Variants in ZFPM2 observed in about 807,000 individuals in gnomAD.
The protein encoded by ZFPM2 is zinc finger protein, FOG family member 2, also known as zinc finger protein ZFPM2.
A neutral mutation model predicts 98.6 loss-of-function variants in ZFPM2; 20 were observed. The ratio of observed to expected loss-of-function variants is 0.20; its 90% CI spans 0.14 to 0.29. The LOEUF (loss-of-function observed/expected upper bound fraction) is 0.29. ZFPM2 is among the 10% of genes least tolerant of loss of function. ZFPM2 has a pLI of 1.00. For missense variants in ZFPM2, 1,310 were observed against 1,388.6 expected, an observed-to-expected ratio of 0.94 and a Z score of 0.90; for synonymous variants, 518 against 502.7, an observed-to-expected ratio of 1.03 and a Z score of -0.41.
intron 3 of ZFPM2, among the ~76,000 whole-genome samples, chr8:105,534,870 C>T (rs903645498): frequency 7.9e-5 from 12 of 152,116 alleles, no homozygotes; most frequent in Non-Finnish European, 1.0e-4. Context: ...GGCTGTGGTG[C>T]GGAGAACATA....
intron 6 of ZFPM2, among the ~76,000 whole-genome samples, chr8:105,793,597 G>T (rs1813693070): frequency 1.3e-5 from 2 of 152,046 alleles, no homozygotes; most frequent in African/African-American, 2.4e-5. Flanking sequence ...AATCTTTGTG[G>T]TGTTCTCTGT....
At chr8:105,538,342 ACTT>A (rs1193949913) in intron 3 of ZFPM2, among the ~76,000 whole-genome samples, 1 of 152,148 alleles carries the variant, frequency 6.6e-6, no homozygotes, top group African/African-American at 2.4e-5. Flanking sequence ...CCCAGGCTTT[ACTT>A]CTTCTTGACG....
chr8:105,521,132 TACACACACACACAC>T (rs10532108), intron 3 of ZFPM2, among the ~76,000 whole-genome samples: 1 of 148,518 alleles, frequency 6.7e-6, no homozygotes, highest in Non-Finnish European at 1.5e-5. Context: ...TATATATATA[TACACACACACACAC>T]ACACACAAAC....
chr8:105,802,753 G>T lies in ZFPM2; in HGVS notation c.2671G>T (p.Asp891Tyr), dbSNP rs1236051300. Reference sequence around the variant, plus strand: ...TCAGCGTAATGACCTGGGTCAACTGGACGGCAAAGTGTTTCCGAATCCAGA... The same window carrying T: ...TCAGCGTAATGACCTGGGTCAACTGTACGGCAAAGTGTTTCCGAATCCAGA... ...AHQRNDLGQL[D>Y]GKVFPNPESE... Residue 891 changes from aspartate to tyrosine, a missense_variant, in exon 8 of 8, where the codon GAC becomes TAC. Physicochemically the swap from Asp to Tyr is radical, Grantham distance 160. Transcript: ENST00000407775. The T allele has an allele frequency of 6.2e-7, 1 of 1,613,594 alleles. No individual in the cohort carries two copies. The highest frequency in any genetic ancestry group is 8.5e-7 in the Non-Finnish European group (1 of 1,179,784).
At chr8:105,544,328 G>T (rs866497949) in intron 3 of ZFPM2, among the ~76,000 whole-genome samples, 2 of 152,024 alleles carry the variant, frequency 1.3e-5, no homozygotes, top group Non-Finnish European at 2.9e-5. Context: ...GGTCAGGTGC[G>T]CATTGCCATG....
At chr8:105,548,754 A>G (rs1265739351) in intron 3 of ZFPM2, among the ~76,000 whole-genome samples, 1 of 152,064 alleles carries the variant, frequency 6.6e-6, no homozygotes, top group African/African-American at 2.4e-5. Flanking sequence ...TTTTTTCCTT[A>G]CTGGTAAAAT....
intron 5 of ZFPM2, among the ~76,000 whole-genome samples, chr8:105,664,603 G>T (rs537434984): frequency 6.6e-6 from 1 of 152,250 alleles, no homozygotes; most frequent in African/African-American, 2.4e-5. Context: ...CAAAGTGCTT[G>T]GGATTATAGG....
intron 5 of ZFPM2, among the ~76,000 whole-genome samples, chr8:105,684,332 A>G (rs187109273): frequency 2.0e-5 from 3 of 152,236 alleles, no homozygotes; most frequent in Admixed American, 2.0e-4. Context: ...ATAGCCATGT[A>G]TATTTTTTTA....
intron 3 of ZFPM2, among the ~76,000 whole-genome samples, chr8:105,543,127 A>G (rs1814615480): frequency 6.6e-6 from 1 of 152,182 alleles, no homozygotes; most frequent in South Asian, 2.1e-4. Context: ...CATGATGAGA[A>G]GTTAAATTAA....
chr8:105,631,270 T>C (rs2130834213), intron 4 of ZFPM2, among the ~76,000 whole-genome samples: 1 of 152,296 alleles, frequency 6.6e-6, no homozygotes, highest in Non-Finnish European at 1.5e-5. Flanking sequence ...TCTTTTAAAA[T>C]CTGTTTATAA....
intron 3 of ZFPM2, among the ~76,000 whole-genome samples, chr8:105,466,607 A>G (rs1400069222): frequency 1.3e-5 from 2 of 152,098 alleles, no homozygotes; most frequent in African/African-American, 2.4e-5. Context: ...AGGTTTAACA[A>G]TACAGAGGGG....
At chr8:105,571,660 A>G (rs150376275) in intron 4 of ZFPM2, among the ~76,000 whole-genome samples, 2 of 152,360 alleles carry the variant, frequency 1.3e-5, no homozygotes, top group East Asian at 3.9e-4. Flanking sequence ...AGGACTTAGC[A>G]TCAATCTCAG....
chr8:105,567,792 C>T lies in ZFPM2; in HGVS notation c.420+6311C>T, dbSNP rs566686115. On this transcript the variant is annotated intron_variant, in intron 4 of 7. Transcript: ENST00000407775. The stretch of plus-strand genomic sequence containing the variant: ...AATAACTGCTCTTTAAAATAAAAAT[C>T]TAATCGAATTGAATTTGCTTATCAG... 6.6e-5 allele frequency among the ~76,000 whole-genome samples: 10 copies of T among 152,174 alleles called. No individual in the cohort carries two copies. The South Asian group carries it at 2.1e-3, about 32-fold the overall frequency.
chr8:105,550,443 C>G (rs181416430), intron 3 of ZFPM2, among the ~76,000 whole-genome samples: 1 of 152,264 alleles, frequency 6.6e-6, no homozygotes, highest in African/African-American at 2.4e-5. Flanking sequence ...GGTATCACTA[C>G]TAATTTTGTA....
chr8:105,802,576 C>T lies in ZFPM2; in HGVS notation c.2494C>T (p.Leu832Phe). Residue 832 changes from leucine to phenylalanine, a missense_variant, in exon 8 of 8, where the codon CTC (leucine) becomes TTC (phenylalanine). Leu to Phe is a conservative substitution (Grantham distance 22). Transcript: ENST00000407775. ...CCTAGAGATGGACGTGCCCATAGAT[C>T]TCAGCAAAAAGTGTTTATCTCAGTC... ...SCLEMDVPID[L>F]SKKCLSQSER... The T allele has an allele frequency of 1.2e-6, 2 of 1,610,896 alleles. No homozygotes were observed. The highest frequency in any genetic ancestry group is 1.7e-6 in the Non-Finnish European group (2 of 1,178,468).
At chr8:105,569,493 CTTTTA>C (rs1815311284) in intron 4 of ZFPM2, among the ~76,000 whole-genome samples, 1 of 152,132 alleles carries the variant, frequency 6.6e-6, no homozygotes. Flanking sequence ...TAGACTTGCA[CTTTTA>C]TTTTAGTCTC....
chr8:105,503,933 G>C (rs770171183), intron 3 of ZFPM2, among the ~76,000 whole-genome samples: 2 of 152,134 alleles, frequency 1.3e-5, no homozygotes, highest in Non-Finnish European at 2.9e-5. Context: ...AGTCGCTGCT[G>C]GTATCCATTC....
chr8:105,485,947 C>G (rs1192900070), intron 3 of ZFPM2, among the ~76,000 whole-genome samples: 1 of 152,116 alleles, frequency 6.6e-6, no homozygotes, highest in Admixed American at 6.5e-5. Context: ...ATCTATTTAG[C>G]TAAGCATGGC....
At chr8:105,669,609 T>C (rs778708523) in intron 5 of ZFPM2, among the ~76,000 whole-genome samples, 2 of 151,994 alleles carry the variant, frequency 1.3e-5, no homozygotes, top group Admixed American at 1.3e-4. Flanking sequence ...TCCATCATTG[T>C]ATTTATATTT....
Sources: allele counts gnomAD v4.1 joint callset (sites outside exome capture counted in the v4.1 genomes callset), GRCh38; gene constraint gnomAD v4.1.1; transcripts MANE v1.5; gene names NCBI Gene and HGNC (gene_info 2026-07-23, HGNC 2026-07-21).